APLF: variants seen among roughly 807,000 people sequenced by gnomAD.
APLF encodes aprataxin and PNKP like factor.
In APLF, 61 loss-of-function variants were observed where a neutral mutation model predicts 55.6. That is an observed-to-expected ratio of 1.10 (90% confidence interval 0.89 to 1.36). The LOEUF is 1.36. Among genes scored for constraint, APLF ranks in the 40% most tolerant of loss-of-function variants. The pLI is 0.00. For missense variants in APLF, 611 were observed against 602.5 expected (o/e 1.01, Z -0.15); for synonymous variants, 207 against 214.8 (o/e 0.96, Z 0.32).
At chr2:68,528,450 G>T in intron 6 of APLF, 1 of 1,534,274 alleles carries the variant, frequency 6.5e-7, no homozygotes, top group South Asian at 1.2e-5. Flanking sequence ...AGTTGCAGGG[G>T]AGGGGTTGGT....
chr2:68,517,215 GATAT>G lies in APLF; in HGVS notation c.622+3541_622+3544del, dbSNP rs1003220218. ...ACATAATATATTAATATATGTTATT[GATAT>G]ATATAAATATATTAATATATGTCAT... is the stretch of plus-strand genomic sequence containing the variant. On this transcript the variant is annotated intron_variant, in intron 5 of 9. Coordinates refer to ENST00000303795, the MANE Select transcript of APLF (RefSeq NM_173545.3). 2.5e-5 allele frequency among the ~76,000 whole-genome samples: 3 copies of G among 121,968 alleles called. No individual in the cohort carries two copies. The South Asian group carries it at 7.2e-4, about 29-fold the overall frequency. The allele number at this position is 121,968 out of a possible 152,430, so 80.0% of individuals were successfully genotyped here.
At chr2:68,551,008 A>G (rs886064679) in intron 8 of APLF, among the ~76,000 whole-genome samples, 21 of 152,052 alleles carry the variant, frequency 1.4e-4, no homozygotes, top group Admixed American at 7.9e-4. Context: ...TAGTTTTAAA[A>G]ACTTCTTTGC....
chr2:68,535,965 T>C (rs1473818340), intron 6 of APLF, among the ~76,000 whole-genome samples: 1 of 152,196 alleles, frequency 6.6e-6, no homozygotes, highest in Non-Finnish European at 1.5e-5. Flanking sequence ...AAGAGATACA[T>C]TTTATTGAAC....
At chr2:68,568,224 C>G (rs989238968) in intron 9 of APLF, 2 of 967,684 alleles carry the variant, frequency 2.1e-6, no homozygotes, top group African/African-American at 1.8e-5. Flanking sequence ...TCATATCATT[C>G]ATATAATACA....
chr2:68,549,163 A>G (rs1670789549), intron 8 of APLF, among the ~76,000 whole-genome samples: 1 of 152,024 alleles, frequency 6.6e-6, no homozygotes, highest in Non-Finnish European at 1.5e-5. Flanking sequence ...TATTTAATCA[A>G]TAGGTTTCTC....
intron 1 of APLF, among the ~76,000 whole-genome samples, chr2:68,480,904 T>C (rs1675930794): frequency 6.6e-6 from 1 of 152,212 alleles, no homozygotes; most frequent in Non-Finnish European, 1.5e-5. Flanking sequence ...TGATGTGATA[T>C]ATCACATTTA....
chr2:68,513,786 A>T, intron 5 of APLF, 106 bp downstream of exon 5: 3 of 1,305,670 alleles, frequency 2.3e-6, no homozygotes, highest in Non-Finnish European at 3.1e-6. Flanking sequence ...GATAGAGTAG[A>T]GGTTGTGTAA....
intron 1 of APLF, among the ~76,000 whole-genome samples, chr2:68,485,610 T>C (rs1422435001): frequency 1.3e-5 from 2 of 152,078 alleles, no homozygotes; most frequent in African/African-American, 4.8e-5. Flanking sequence ...TAAACATCCT[T>C]TTATCCGTTC....
At chr2:68,540,532 G>T (rs1410437148) in intron 7 of APLF, among the ~76,000 whole-genome samples, 2 of 152,028 alleles carry the variant, frequency 1.3e-5, no homozygotes, top group African/African-American at 4.8e-5. Context: ...ACCCAGTAAT[G>T]GGATTACTGG....
intron 1 of APLF, among the ~76,000 whole-genome samples, chr2:68,468,377 A>G (rs969570714): frequency 6.6e-6 from 1 of 152,186 alleles, no homozygotes; most frequent in Non-Finnish European, 1.5e-5. Context: ...TTCCAGTAAA[A>G]TGAGTAGCTA....
At chr2:68,515,935 T>C (rs1669567070) in intron 5 of APLF, among the ~76,000 whole-genome samples, 1 of 151,768 alleles carries the variant, frequency 6.6e-6, no homozygotes, top group South Asian at 2.1e-4. Flanking sequence ...AAGTAATAAA[T>C]GATGGGGATC....
intron 9 of APLF, among the ~76,000 whole-genome samples, chr2:68,572,487 A>C (rs142900691): frequency 9.2e-5 from 14 of 152,330 alleles, no homozygotes; most frequent in African/African-American, 3.4e-4. Context: ...TTAAGCTATT[A>C]ATCTGCTGTG....
At chr2:68,564,315 T>C (rs1212376628) in intron 8 of APLF, among the ~76,000 whole-genome samples, 1 of 152,150 alleles carries the variant, frequency 6.6e-6, no homozygotes, top group Non-Finnish European at 1.5e-5. Context: ...GGGTTAGTTA[T>C]GCTAAACACA....
chr2:68,555,902 C>T (rs190518520), intron 8 of APLF, among the ~76,000 whole-genome samples: 54 of 152,278 alleles, frequency 3.5e-4, no homozygotes, highest in African/African-American at 1.2e-3. Context: ...TACTTGCACA[C>T]GCATGTTTAT....
chr2:68,469,916 T>A (rs1408119624), intron 1 of APLF, among the ~76,000 whole-genome samples: 1 of 152,224 alleles, frequency 6.6e-6, no homozygotes, highest in East Asian at 1.9e-4. Flanking sequence ...CACACAAACA[T>A]AAAAGTTTAT....
At chr2:68,516,727 G>A (rs1019060995) in intron 5 of APLF, among the ~76,000 whole-genome samples, 1 of 149,248 alleles carries the variant, frequency 6.7e-6, no homozygotes, top group African/African-American at 2.5e-5. Flanking sequence ...TTAGAATAAT[G>A]CTCTCCAATT....
rs529725063 is a variant in APLF at position 68,556,177 on chromosome 2, T to C, written c.1286+10865T>C. Among the ~76,000 whole-genome samples the C allele has an allele frequency of 2.0e-5, 3 of 152,208 alleles. No individual in the cohort carries two copies. In the East Asian group the frequency reaches 5.8e-4, roughly 29 times the overall value. On this transcript the variant is annotated intron_variant, in intron 8 of 9. Coordinates refer to ENST00000303795, the MANE Select transcript of APLF (RefSeq NM_173545.3). ...GATGCAAAGGCATAAGAAAGAAAGA[T>C]ACAATGGGCTTTGGGAACTTGGGGA... is the stretch of plus-strand genomic sequence containing the variant.
intron 1 of APLF, among the ~76,000 whole-genome samples, chr2:68,487,467 A>T (rs999132198): frequency 7.2e-5 from 11 of 152,032 alleles, no homozygotes; most frequent in African/African-American, 2.7e-4. Context: ...CCATTTTCTC[A>T]CCTATGAAGT....
chr2:68,482,151 A>T (rs1675979922), intron 1 of APLF, among the ~76,000 whole-genome samples: 1 of 145,638 alleles, frequency 6.9e-6, no homozygotes, highest in African/African-American at 2.5e-5. Context: ...TGGGGTTGTT[A>T]TGTTTTTTTC....
Sources: gnomAD v4.1 joint callset for allele counts (sites outside exome capture counted in the v4.1 genomes callset) on GRCh38, gnomAD v4.1.1 for gene constraint, MANE v1.5 for transcripts, NCBI Gene and HGNC (gene_info 2026-07-23, HGNC 2026-07-21) for gene names.